Variants in BRF1 observed in about 807,000 individuals in gnomAD.
BRF1 encodes the protein transcription factor IIIB 90 kDa subunit.
In BRF1, 59 loss-of-function variants were observed where a neutral mutation model predicts 81.7. The ratio of observed to expected loss-of-function variants is 0.72; its 90% CI spans 0.59 to 0.90. The LOEUF is 0.90. BRF1 is among the 40% of genes least tolerant of loss of function. The pLI is 0.00. For synonymous variants in BRF1, 491 were observed against 395.6 expected (o/e 1.24, Z -2.86); for missense variants, 1,050 against 936.3 (o/e 1.12, Z -1.58).
chr14:105,247,970 C>G (rs1212530884), intron 5 of BRF1: 9 of 985,514 alleles, frequency 9.1e-6, no homozygotes, highest in African/African-American at 1.7e-5. Context: ...GGCAGAGCCA[C>G]AGAGGCAGGG....
At chr14:105,211,440 C>G in intron 16 of BRF1, 147 bp from the exon 17 acceptor site, 1 of 706,188 alleles carries the variant, frequency 1.4e-6, no homozygotes, top group Admixed American at 3.2e-5. Context: ...CTCCCAGGCC[C>G]ACTGGCCCCT....
intron 5 of BRF1, chr14:105,252,267 G>A (rs976186583): frequency 1.1e-5 from 7 of 641,448 alleles, no homozygotes; most frequent in East Asian, 1.4e-4. Context: ...TTGAGGCCAG[G>A]AGTTTGAGGC....
At chr14:105,273,614 C>T (rs939309709) in intron 2 of BRF1, among the ~76,000 whole-genome samples, 1 of 152,204 alleles carries the variant, frequency 6.6e-6, no homozygotes, top group African/African-American at 2.4e-5. Flanking sequence ...TTTGCCCCAA[C>T]CTGGAGCTCA....
intron 1 of BRF1, among the ~76,000 whole-genome samples, chr14:105,299,030 G>A (rs587628848): frequency 2.0e-5 from 3 of 151,300 alleles, no homozygotes; most frequent in African/African-American, 4.9e-5. Context: ...AAAATTAGCC[G>A]GGCATGGTAG....
At chr14:105,265,482 T>G (rs1308125422) in intron 3 of BRF1, among the ~76,000 whole-genome samples, 2 of 152,164 alleles carry the variant, frequency 1.3e-5, no homozygotes, top group Non-Finnish European at 2.9e-5. Context: ...CCGGGTGCAG[T>G]GGTTCACGCC....
chr14:105,264,568 G>A (rs1566848553), intron 3 of BRF1, among the ~76,000 whole-genome samples: 1 of 150,888 alleles, frequency 6.6e-6, no homozygotes, highest in Non-Finnish European at 1.5e-5. Flanking sequence ...TCGGGAAGCT[G>A]AGGCAGGAGA....
At chr14:105,292,894 A>T (rs1349197277) in intron 1 of BRF1, among the ~76,000 whole-genome samples, 2 of 151,690 alleles carry the variant, frequency 1.3e-5, no homozygotes, top group Non-Finnish European at 2.9e-5. Context: ...ACCCCTTCCC[A>T]AGCCCAGGCC....
upstream of BRF1, among the ~76,000 whole-genome samples, chr14:105,304,527 G>A (rs191893610): frequency 1.4e-4 from 21 of 152,072 alleles, no homozygotes; most frequent in East Asian, 2.9e-3. Flanking sequence ...TATAAAAAAG[G>A]GTGAGGCTCT....
At position 105,210,154 on chromosome 14, in the gene BRF1, C is replaced by T. The variant is rs376390782; in HGVS notation, c.*397G>A. 7 of 281,238 alleles carry T rather than the reference C, an allele frequency of 2.5e-5. No individual in the cohort carries two copies. Among genetic ancestry groups the T allele is most frequent in the African/African-American group, 1.3e-4 (6 of 45,050 alleles). 17.4% of individuals were successfully genotyped at this position (281,238 alleles called of 1,614,324 possible). A position where few individuals can be genotyped will look rare whatever the true frequency, so the allele number is the denominator to read the frequency against. On this transcript the variant is annotated 3_prime_UTR_variant, in exon 18 of 18. Coordinates refer to ENST00000547530, the MANE Select transcript of BRF1 (RefSeq NM_001519.4). The surrounding 1 kb of genome is among the most constrained non-coding windows in gnomAD (Gnocchi z 4.7). ...GGAGGGTGGGCTGGAGACTCCAGAG[C>T]TGGTCCTGAGTCACAGGGCCAGCAC...
chr14:105,247,648 G>C (rs1260757749), intron 5 of BRF1: 3 of 985,276 alleles, frequency 3.0e-6, no homozygotes, highest in Middle Eastern at 5.2e-4. Flanking sequence ...GTGCACCCAT[G>C]ACCCGAGATG....
intron 2 of BRF1, 95 bp downstream of exon 2, chr14:105,286,199 TGA>T: frequency 7.5e-7 from 1 of 1,326,496 alleles, no homozygotes. Context: ...TGGCAGGCCA[TGA>T]GGTCCATGGC....
At chr14:105,247,099 C>G in intron 5 of BRF1, 1 of 985,448 alleles carries the variant, frequency 1.0e-6, no homozygotes, top group Non-Finnish European at 1.2e-6. Context: ...ACGGCTGGGA[C>G]AGAAACCACG....
chr14:105,257,780 A>C (rs587648113), intron 3 of BRF1, among the ~76,000 whole-genome samples: 105 of 152,324 alleles, frequency 6.9e-4, no homozygotes, highest in African/African-American at 2.4e-3. Context: ...CAACGGGAAA[A>C]GTGAACGAGG....
At position 105,264,332 on chromosome 14, in the gene BRF1, C is replaced by A. The variant is rs587690772; in HGVS notation, c.440-7783G>T. Among the ~76,000 whole-genome samples the A allele has an allele frequency of 5.6e-3, 856 of 151,664 alleles. 7 individuals are homozygous for A. Among genetic ancestry groups the A allele is most frequent in the Middle Eastern group, 0.024 (7 of 290 alleles). The stretch of plus-strand genomic sequence containing the variant: ...ACAAAAAATAAAGAGCCCAGGAGTT[C>A]AAGACCAGCCTGGGCAACACAGTGA... On this transcript the variant is annotated intron_variant, in intron 3 of 17. Transcript: ENST00000547530.
chr14:105,290,720 A>G (rs2057476823), intron 1 of BRF1, among the ~76,000 whole-genome samples: 1 of 151,610 alleles, frequency 6.6e-6, no homozygotes, highest in Admixed American at 6.6e-5. Context: ...TCCCTCCTCC[A>G]TCACTCTGTC....
chr14:105,312,424 G>C (rs908618864), intron 1 of BRF1, among the ~76,000 whole-genome samples: 4 of 152,224 alleles, frequency 2.6e-5, no homozygotes, highest in Non-Finnish European at 5.9e-5. Context: ...CCAGGGCTCT[G>C]AAGGATCCTC....
intron 4 of BRF1, 147 bp from the exon 5 acceptor site, chr14:105,252,726 C>T: frequency 1.2e-6 from 1 of 817,206 alleles, no homozygotes; most frequent in Non-Finnish European, 1.9e-6. Flanking sequence ...CCTGGCTGGC[C>T]TCCCTTGGCT....
intron 5 of BRF1, chr14:105,248,800 G>C (rs1272176776): frequency 2.0e-6 from 2 of 983,342 alleles, no homozygotes; most frequent in Non-Finnish European, 2.4e-6. Context: ...CCGAGGCCCC[G>C]GCGCGGCGCG....
At chr14:105,265,216 G>A (rs1248744925) in intron 3 of BRF1, among the ~76,000 whole-genome samples, 4 of 151,838 alleles carry the variant, frequency 2.6e-5, no homozygotes, top group Admixed American at 6.6e-5. Context: ...GACTACAGGT[G>A]TGCACCACCA....
Sources: gnomAD v4.1 joint callset for allele counts (sites outside exome capture counted in the v4.1 genomes callset) on GRCh38, gnomAD v4.1.1 for gene constraint, Gnocchi (gnomAD v3.1) non-coding constraint, MANE v1.5 for transcripts, NCBI Gene and HGNC (gene_info 2026-07-23, HGNC 2026-07-21) for gene names.